The following KLF8 variants were observed in gnomAD, a reference collection of about 807,000 sequenced individuals.
KLF8 encodes the protein KLF transcription factor 8, also known as Krueppel-like factor 8.
In KLF8, 10 loss-of-function variants were observed where a neutral mutation model predicts 18.2. The ratio of observed to expected loss-of-function variants is 0.55; its 90% CI spans 0.34 to 0.93. The LOEUF is 0.93. Among genes scored for constraint, KLF8 ranks in the 40% least tolerant of loss-of-function variants. KLF8 has a pLI of 0.02. For synonymous variants in KLF8, 109 were observed against 97.3 expected, an observed-to-expected ratio of 1.12 and a Z score of -0.71; for missense variants, 264 against 277.9, an observed-to-expected ratio of 0.95 and a Z score of 0.36.
chrX:55,945,995 C>T, the KLF8 span, among the ~76,000 whole-genome samples: 1 of 111,535 alleles, frequency 9.0e-6, no homozygotes, highest in African/African-American at 3.3e-5. Context: ...AGGATACAAA[C>T]AAATGGAAGA....
At chrX:56,043,239 T>C in the KLF8 span, among the ~76,000 whole-genome samples, 224 of 110,685 alleles carry the variant, frequency 2.0e-3, 1 homozygote, top group Non-Finnish European at 3.0e-3. Context: ...CTGGCTGCCC[T>C]TAAAATTTTT....
chrX:55,949,825 A>T, the KLF8 span, among the ~76,000 whole-genome samples: 5 of 109,837 alleles, frequency 4.6e-5, no homozygotes, highest in East Asian at 2.8e-4. Context: ...AGAAAACAAG[A>T]AGCTTTAGCT....
chrX:56,214,656 C>G, the KLF8 span, among the ~76,000 whole-genome samples: 3 of 112,251 alleles, frequency 2.7e-5, no homozygotes, highest in African/African-American at 9.7e-5. Flanking sequence ...TGGCCAATAA[C>G]CTTTCAAACA....
At chrX:56,043,159 C>A in the KLF8 span, among the ~76,000 whole-genome samples, 1 of 110,926 alleles carries the variant, frequency 9.0e-6, no homozygotes, top group Non-Finnish European at 1.9e-5. Flanking sequence ...TCTTTTCCAG[C>A]TTGTAGGGTT....
chrX:56,114,234 C>T, the KLF8 span, among the ~76,000 whole-genome samples: 1 of 112,084 alleles, frequency 8.9e-6, no homozygotes, highest in South Asian at 3.7e-4. Context: ...TAAAGGCCTA[C>T]TGGAGCCCCA....
At chrX:55,912,626 A>T in the KLF8 span, among the ~76,000 whole-genome samples, 8 of 111,428 alleles carry the variant, frequency 7.2e-5, no homozygotes, top group African/African-American at 2.3e-4. Context: ...ATCCAAGATC[A>T]TACAGCTAGT....
chrX:56,286,068 A>T lies in KLF8; in HGVS notation c.*1574A>T, dbSNP rs2067264954. 1 of 111,471 alleles carries T rather than the reference A, an allele frequency of 9.0e-6. No homozygotes were observed. The highest frequency in any genetic ancestry group is 1.9e-5 in the Non-Finnish European group (1 of 53,125). The allele number at this position is 111,471 out of a possible 1,213,427, so 9.2% of individuals were successfully genotyped here. ...CCATCCCTCATATTTTACAGATGAG[A>T]CAAATACGGGTCAGATTTTTTTCTC... On this transcript the variant is annotated 3_prime_UTR_variant, in exon 6 of 6. Coordinates refer to ENST00000468660, the MANE Select transcript of KLF8 (RefSeq NM_007250.5).
In KLF8 at chrX:56,274,699, G is replaced by T. The variant is rs1389099630; in HGVS notation, c.898+4378G>T. 6.3e-5 allele frequency among the ~76,000 whole-genome samples: 7 copies of T among 111,604 alleles called. No individual in the cohort carries two copies. In the East Asian group the frequency reaches 2.0e-3, roughly 31 times the overall value. On this transcript the variant is annotated intron_variant, in intron 5 of 5. Coordinates refer to ENST00000468660, the MANE Select transcript of KLF8 (RefSeq NM_007250.5). ...ATGTTTGTATATGGTGAGATATAGG[G>T]TTCTAGTTTATTCTTTTACCTGTGA...
chrX:56,042,615 C>A, the KLF8 span, among the ~76,000 whole-genome samples: 1 of 111,885 alleles, frequency 8.9e-6, no homozygotes, highest in African/African-American at 3.2e-5. Flanking sequence ...CTTTTTAAAT[C>A]TTTGTTGGTT....
chrX:55,981,551 A>G, the KLF8 span, among the ~76,000 whole-genome samples: 21 of 112,384 alleles, frequency 1.9e-4, no homozygotes, highest in Non-Finnish European at 7.5e-5. Context: ...TTGAAGAAAC[A>G]TTTCCTTCTT....
chrX:56,121,054 C>A, the KLF8 span, among the ~76,000 whole-genome samples: 1 of 109,308 alleles, frequency 9.1e-6, no homozygotes, highest in Admixed American at 9.8e-5. Flanking sequence ...GACGTGGTGG[C>A]GGGCACCTGT....
At chrX:56,154,767 AAAC>A in the KLF8 span, among the ~76,000 whole-genome samples, 2 of 112,012 alleles carry the variant, frequency 1.8e-5, no homozygotes, top group African/African-American at 6.5e-5. Flanking sequence ...AGACAAAAAC[AAAC>A]AACCCCATCA....
chrX:55,980,547 T>C, the KLF8 span, among the ~76,000 whole-genome samples: 2 of 111,954 alleles, frequency 1.8e-5, no homozygotes, highest in African/African-American at 6.5e-5. Context: ...ATGTACCTTA[T>C]CAATTAAATA....
chrX:56,212,014 C>A, the KLF8 span, among the ~76,000 whole-genome samples: 3 of 111,270 alleles, frequency 2.7e-5, no homozygotes, highest in Non-Finnish European at 5.7e-5. Flanking sequence ...CCCAAGGGTA[C>A]TTCATTTAGC....
the KLF8 span, among the ~76,000 whole-genome samples, chrX:55,997,738 C>G: frequency 8.9e-6 from 1 of 112,066 alleles, no homozygotes; most frequent in African/African-American, 3.2e-5. Flanking sequence ...TTTGTTCTTG[C>G]TGATTCTTTT....
intron 2 of KLF8, among the ~76,000 whole-genome samples, chrX:56,257,536 C>T (rs1164075608): frequency 9.0e-6 from 1 of 111,053 alleles, no homozygotes; most frequent in Non-Finnish European, 1.9e-5. Flanking sequence ...CTAGTAGTAC[C>T]CAGTGTCTAT....
At chrX:55,953,173 C>T in the KLF8 span, among the ~76,000 whole-genome samples, 1 of 111,452 alleles carries the variant, frequency 9.0e-6, no homozygotes, top group African/African-American at 3.3e-5. Context: ...TGCCTGACAT[C>T]TTGGAGCTCA....
At chrX:56,248,132 G>A (rs1029416896) in intron 1 of KLF8, among the ~76,000 whole-genome samples, 2 of 110,263 alleles carry the variant, frequency 1.8e-5, no homozygotes, top group African/African-American at 3.3e-5. Flanking sequence ...ACACAGGAAG[G>A]GGAACATCAC....
chrX:56,209,211 T>A, the KLF8 span, among the ~76,000 whole-genome samples: 7 of 112,305 alleles, frequency 6.2e-5, no homozygotes, highest in Non-Finnish European at 1.1e-4. Flanking sequence ...TATACTTACA[T>A]TCTTTATCTC....
Sources: gnomAD v4.1 joint callset for allele counts (sites outside exome capture counted in the v4.1 genomes callset) on GRCh38, gnomAD v4.1.1 for gene constraint, MANE v1.5 for transcripts, NCBI Gene and HGNC (gene_info 2026-07-23, HGNC 2026-07-21) for gene names.